Variants in PPP4R3A observed in about 807,000 individuals in gnomAD.
PPP4R3A encodes the protein protein phosphatase 4 regulatory subunit 3A, also known as serine/threonine-protein phosphatase 4 regulatory subunit 3A.
PPP4R3A carries 15 observed loss-of-function variants against 91.7 expected under a neutral mutation model. The observed-to-expected ratio is 0.16, with a 90% CI of 0.11 to 0.25. The LOEUF is 0.25. Ranked by LOEUF, PPP4R3A falls within the 10% of genes least tolerant of loss-of-function variation. PPP4R3A has a pLI of 1.00. For synonymous variants in PPP4R3A, 377 were observed against 348.7 expected (o/e 1.08, Z -0.91); for missense variants, 623 against 998.4 (o/e 0.62, Z 5.07).
intron 4 of PPP4R3A, among the ~76,000 whole-genome samples, chr14:91,480,683 C>A (rs1034441658): frequency 6.6e-6 from 1 of 152,104 alleles, no homozygotes; most frequent in Non-Finnish European, 1.5e-5. Context: ...CTGTTCTATT[C>A]TATGCAAAAT....
chr14:91,484,593 A>G (rs1442512770), intron 3 of PPP4R3A, among the ~76,000 whole-genome samples: 1 of 152,210 alleles, frequency 6.6e-6, no homozygotes, highest in African/African-American at 2.4e-5. Context: ...AGGGCTTGTG[A>G]AAACAGAATT....
At chr14:91,481,210 T>C (rs2140112802) in intron 4 of PPP4R3A, among the ~76,000 whole-genome samples, 1 of 152,266 alleles carries the variant, frequency 6.6e-6, no homozygotes, top group East Asian at 1.9e-4. Context: ...TGCACACCTG[T>C]GGTCCCAGCT....
chr14:91,461,352 A>T, intron 14 of PPP4R3A, 29 bp downstream of exon 14: 1 of 1,581,328 alleles, frequency 6.3e-7, no homozygotes, highest in South Asian at 1.1e-5. Flanking sequence ...TTGGGAAAAA[A>T]GGGGGCAAAA....
At chr14:91,472,896 G>T in intron 9 of PPP4R3A, 137 bp downstream of exon 9, 1 of 722,718 alleles carries the variant, frequency 1.4e-6, no homozygotes. Flanking sequence ...AACTTTTAAA[G>T]ACTACTACTT....
chr14:91,474,194 T>C (rs1033120689), intron 7 of PPP4R3A, among the ~76,000 whole-genome samples: 1 of 152,204 alleles, frequency 6.6e-6, no homozygotes, highest in Non-Finnish European at 1.5e-5. Context: ...TGTCTGAAAT[T>C]GGAGAAAATG....
Position 91,509,767 on chromosome 14 carries a change from C to T in PPP4R3A, c.-120G>A. The T allele has an allele frequency of 6.9e-6, 9 of 1,296,558 alleles. No homozygotes were observed. The highest frequency in any genetic ancestry group is 8.8e-6 in the Non-Finnish European group (9 of 1,027,014). The allele number at this position is 1,296,558 out of a possible 1,614,324, so 80.3% of individuals were successfully genotyped here. ...AGCGGAGGGCTCCCCGGCCTCACTG[C>T]CGCCGCTGGGCGCCGCGGGGCCGCG... On this transcript the variant is annotated 5_prime_UTR_variant, in exon 1 of 15. Transcript: ENST00000554943.
At chr14:91,494,078 C>G (rs1245955834) in intron 1 of PPP4R3A, among the ~76,000 whole-genome samples, 1 of 151,816 alleles carries the variant, frequency 6.6e-6, no homozygotes, top group Admixed American at 6.6e-5. Context: ...ATGGTGAAAC[C>G]CCGTCTCTAC....
At chr14:91,473,455 T>C in intron 7 of PPP4R3A, 85 bp from the exon 8 acceptor site, 2 of 1,397,702 alleles carry the variant, frequency 1.4e-6, no homozygotes, top group Non-Finnish European at 1.9e-6. Flanking sequence ...CACAGCATTA[T>C]ACCTAGGCTC....
chr14:91,509,340 G>A (rs1055124405), intron 1 of PPP4R3A, among the ~76,000 whole-genome samples, 166 bp downstream of exon 1: 6 of 152,228 alleles, frequency 3.9e-5, no homozygotes, highest in African/African-American at 1.4e-4. Context: ...TCTCCGGGGA[G>A]CTCCCGCAAG....
At chr14:91,485,013 C>T (rs1313689104) in intron 3 of PPP4R3A, among the ~76,000 whole-genome samples, 1 of 151,854 alleles carries the variant, frequency 6.6e-6, no homozygotes, top group East Asian at 1.9e-4. Flanking sequence ...CTGCTCAAGA[C>T]AAGTACAAGG....
intron 4 of PPP4R3A, among the ~76,000 whole-genome samples, chr14:91,480,153 A>G (rs1595065910): frequency 1.3e-5 from 2 of 151,974 alleles, no homozygotes; most frequent in South Asian, 4.2e-4. Flanking sequence ...ATACTATAAG[A>G]AAAAAAAATC....
intron 2 of PPP4R3A, among the ~76,000 whole-genome samples, chr14:91,489,457 T>C (rs1890102205): frequency 6.6e-6 from 1 of 152,224 alleles, no homozygotes; most frequent in Non-Finnish European, 1.5e-5. Context: ...AATTACCCAT[T>C]TGACAAATCT....
At position 91,509,651 on chromosome 14, in the gene PPP4R3A, G is replaced by T; in HGVS notation, c.-4C>A. The T allele has an allele frequency of 6.3e-7, 1 of 1,594,786 alleles. No individual in the cohort carries two copies. Among genetic ancestry groups the T allele is most frequent in the Non-Finnish European group, 8.5e-7 (1 of 1,177,138 alleles). On this transcript the variant is annotated 5_prime_UTR_variant, in exon 1 of 15. Transcript: ENST00000554943. Reference sequence around the variant, plus strand: ...CCCGCCGCCGGGTGTCGGTCATCGTGCCGCCCGGGAACCGGGGCGGGGGCC... The same window carrying T: ...CCCGCCGCCGGGTGTCGGTCATCGTTCCGCCCGGGAACCGGGGCGGGGGCC...
rs1012002355 is a variant in PPP4R3A, at chr14:91,509,735, G to A, written c.-88C>T. 1.7e-5 allele frequency: 24 copies of A among 1,393,362 alleles called. No homozygotes were observed. The highest frequency in any genetic ancestry group is 1.9e-5 in the Non-Finnish European group (21 of 1,082,294). 86.3% of individuals were successfully genotyped at this position (1,393,362 alleles called of 1,614,324 possible). ...GAGGCGAGGGGCGAGGCGTGAGGGC[G>A]CCCGCGAGCGGAGGGCTCCCCGGCC... On this transcript the variant is annotated 5_prime_UTR_variant, in exon 1 of 15. Transcript: ENST00000554943.
Position 91,470,889 on chromosome 14 carries a change from G to A in PPP4R3A, c.1608C>T (p.Ile536=), listed in dbSNP as rs747816552. ...HIKNYIINKD[I]LRRVLVLMAS... is the part of the protein sequence containing the mutation. Reference sequence around the variant, plus strand: ...CCATAAGAACTAGCACTCTCCGGAGGATATCCTTATTAATAATGTAGTTCT... The same window carrying A: ...CCATAAGAACTAGCACTCTCCGGAGAATATCCTTATTAATAATGTAGTTCT... The change falls in exon 10 of 15, where the codon ATC becomes ATT. Residue 536 remains isoleucine, a synonymous_variant. Coordinates refer to ENST00000554943, the MANE Select transcript of PPP4R3A (RefSeq NM_001366432.2). 6 of 1,611,990 alleles carry A rather than the reference G, an allele frequency of 3.7e-6. No homozygotes were observed. In the South Asian group the frequency reaches 5.5e-5, roughly 15 times the overall value.
intron 4 of PPP4R3A, among the ~76,000 whole-genome samples, chr14:91,480,552 AAATTTT>A (rs1481516491): frequency 4.6e-5 from 7 of 152,160 alleles, no homozygotes; most frequent in African/African-American, 1.7e-4. Context: ...AATTCGTTTT[AAATTTT>A]ATTTTTTTGG....
Position 91,510,064 on chromosome 14 carries a change from C to T in PPP4R3A, c.-417G>A. On this transcript the variant is annotated 5_prime_UTR_variant, in exon 1 of 15. Coordinates refer to ENST00000554943, the MANE Select transcript of PPP4R3A (RefSeq NM_001366432.2). ...CCGCCGCCGCCGCCGCCATATTTTC[C>T]TTCCTTATACCTGGCCCTGCCACCG... The T allele has an allele frequency of 1.8e-6, 1 of 547,554 alleles. No homozygotes were observed. The highest frequency in any genetic ancestry group is 2.3e-6 in the Non-Finnish European group (1 of 427,796). The allele number at this position is 547,554 out of a possible 1,614,324, so 33.9% of individuals were successfully genotyped here. A position where few individuals can be genotyped will look rare whatever the true frequency, so the allele number is the denominator to read the frequency against.
At position 91,507,385 on chromosome 14, in the gene PPP4R3A, T is replaced by C. The variant is rs1456161970; in HGVS notation, c.142+2121A>G. 1.0e-3 allele frequency among the ~76,000 whole-genome samples: 55 copies of C among 55,252 alleles called. 3 individuals are homozygous for C. The highest frequency in any genetic ancestry group is 0.019 in the Middle Eastern group (2 of 104). 36.2% of individuals were successfully genotyped at this position (55,252 alleles called of 152,430 possible). A position where few individuals can be genotyped will look rare whatever the true frequency, so the allele number is the denominator to read the frequency against. On this transcript the variant is annotated intron_variant, in intron 1 of 14. Coordinates refer to ENST00000554943, the MANE Select transcript of PPP4R3A (RefSeq NM_001366432.2). ...ATATATACTATAATTATATATACTA[T>C]ATAGTATATGTACTATAATTATATA...
intron 2 of PPP4R3A, among the ~76,000 whole-genome samples, chr14:91,490,392 TACTA>T (rs1890168050): frequency 6.6e-6 from 1 of 152,156 alleles, no homozygotes; most frequent in African/African-American, 2.4e-5. Flanking sequence ...TAGAGGGAGA[TACTA>T]ATGTTCCTTC....
Sources: allele counts gnomAD v4.1 joint callset (sites outside exome capture counted in the v4.1 genomes callset), GRCh38; gene constraint gnomAD v4.1.1; transcripts MANE v1.5; gene names NCBI Gene and HGNC (gene_info 2026-07-23, HGNC 2026-07-21).